The following SRPX variants were observed in gnomAD, a reference collection of about 807,000 sequenced individuals.
SRPX encodes sushi repeat containing protein X-linked, also known as sushi repeat-containing protein SRPX.
In SRPX, 24 loss-of-function variants were observed where a neutral mutation model predicts 38.1. The observed-to-expected ratio is 0.63, with a 90% CI of 0.46 to 0.89. The LOEUF (loss-of-function observed/expected upper bound fraction) is 0.89, where lower values mean the gene tolerates loss of function less well. Among genes scored for constraint, SRPX ranks in the 40% least tolerant of loss-of-function variants. SRPX has a pLI of 0.00. For missense variants in SRPX, 416 were observed against 377.8 expected, an observed-to-expected ratio of 1.10 and a Z score of -0.84; for synonymous variants, 184 against 153.8, an observed-to-expected ratio of 1.20 and a Z score of -1.45.
At chrX:38,155,168 T>C (rs1602436384) in intron 8 of SRPX, among the ~76,000 whole-genome samples, 1 of 111,214 alleles carries the variant, frequency 9.0e-6, no homozygotes, top group Admixed American at 9.5e-5. Flanking sequence ...TGAATTTGGC[T>C]AAATGGGAAA....
intron 1 of SRPX, among the ~76,000 whole-genome samples, chrX:38,183,538 G>A (rs1361388795): frequency 1.8e-5 from 2 of 111,878 alleles, no homozygotes; most frequent in African/African-American, 6.5e-5. Flanking sequence ...ATGTTCAGTA[G>A]ACTGTACTTA....
intron 9 of SRPX, among the ~76,000 whole-genome samples, chrX:38,153,564 A>G (rs1938063617): frequency 9.0e-6 from 1 of 111,249 alleles, no homozygotes; most frequent in Non-Finnish European, 1.9e-5. Flanking sequence ...CTTTCTGGCA[A>G]TACAGAAAGA....
At chrX:38,193,102 T>C (rs1214536072) in intron 1 of SRPX, among the ~76,000 whole-genome samples, 1 of 112,035 alleles carries the variant, frequency 8.9e-6, no homozygotes, top group Non-Finnish European at 1.9e-5. Flanking sequence ...CTTACAGTCC[T>C]AGCTTGTAAG....
chrX:38,192,444 A>G (rs1235521303), intron 1 of SRPX, among the ~76,000 whole-genome samples: 1 of 111,469 alleles, frequency 9.0e-6, no homozygotes, highest in East Asian at 2.8e-4. Context: ...CACAGCATTC[A>G]GGTTCATTCT....
chrX:38,152,348 G>A (rs1479982788), intron 9 of SRPX, among the ~76,000 whole-genome samples: 1 of 112,386 alleles, frequency 8.9e-6, no homozygotes, highest in Admixed American at 9.4e-5. Context: ...CTGCAAAATA[G>A]TGATTGACCC....
At chrX:38,187,542 C>A (rs1473207063) in intron 1 of SRPX, among the ~76,000 whole-genome samples, 1 of 112,335 alleles carries the variant, frequency 8.9e-6, no homozygotes. Flanking sequence ...ATAGTTTACA[C>A]TTTGAGGTAG....
chrX:38,189,629 C>T (rs1247367346), intron 1 of SRPX, among the ~76,000 whole-genome samples: 1 of 111,857 alleles, frequency 8.9e-6, no homozygotes. Flanking sequence ...AAAGCCCTTT[C>T]CCTCCTCTCA....
chrX:38,171,978 A>G lies in SRPX; in HGVS notation c.429T>C (p.Cys143=). ...CVDGAYFNSR[C]EYYCSPGYTL... ...TGTATCCTGGTGAACAATAATACTC[A>G]CACCGGGAGTTAAAGTAGGCACCAT... is the stretch of plus-strand genomic sequence containing the variant. The change falls in exon 4 of 10, where the codon TGT becomes TGC. Residue 143 remains cysteine (C), a synonymous_variant. Coordinates refer to ENST00000378533, the MANE Select transcript of SRPX (RefSeq NM_006307.5). 1 of 1,207,577 alleles carries G rather than the reference A, an allele frequency of 8.3e-7. No individual in the cohort carries two copies. Among genetic ancestry groups the G allele is most frequent in the Non-Finnish European group, 1.1e-6 (1 of 893,488 alleles).
intron 8 of SRPX, among the ~76,000 whole-genome samples, chrX:38,154,899 C>G (rs756509105): frequency 9.0e-6 from 1 of 111,070 alleles, no homozygotes; most frequent in Non-Finnish European, 1.9e-5. Flanking sequence ...CAAGACCACC[C>G]CAGAGGATTC....
chrX:38,220,580 C>A, intron 1 of SRPX, 116 bp downstream of exon 1: 1 of 1,053,296 alleles, frequency 9.5e-7, no homozygotes, highest in Admixed American at 3.8e-5. Flanking sequence ...AAGAGGAGTT[C>A]TGCGCAAACA....
chrX:38,197,940 T>G (rs767150678), intron 1 of SRPX, among the ~76,000 whole-genome samples: 10 of 112,127 alleles, frequency 8.9e-5, no homozygotes, highest in Non-Finnish European at 1.3e-4. Flanking sequence ...CAAAGCTTAC[T>G]GAAGCTGGAA....
At chrX:38,197,126 A>C (rs773886471) in intron 1 of SRPX, among the ~76,000 whole-genome samples, 1 of 112,377 alleles carries the variant, frequency 8.9e-6, no homozygotes, top group East Asian at 2.8e-4. Flanking sequence ...CAGATGATGA[A>C]ACCATAGGCC....
At chrX:38,216,746 C>T (rs901316401) in intron 1 of SRPX, among the ~76,000 whole-genome samples, 3 of 112,500 alleles carry the variant, frequency 2.7e-5, no homozygotes, top group Non-Finnish European at 5.6e-5. Context: ...CTTTCAATTA[C>T]TAATTTCAGT....
chrX:38,214,485 C>T (rs981702302), intron 1 of SRPX, among the ~76,000 whole-genome samples: 3 of 111,533 alleles, frequency 2.7e-5, no homozygotes, highest in Non-Finnish European at 5.7e-5. Context: ...CCCTGCTAGA[C>T]CATGAGAATA....
chrX:38,205,523 A>G (rs969602375), intron 1 of SRPX, among the ~76,000 whole-genome samples: 11 of 111,844 alleles, frequency 9.8e-5, no homozygotes, highest in African/African-American at 3.3e-4. Flanking sequence ...TTTATAGACC[A>G]TGCTTTTGGT....
In SRPX at chrX:38,151,020, A is replaced by T. The variant is rs138937752; in HGVS notation, c.1212-1126T>A. On this transcript the variant is annotated intron_variant, in intron 9 of 9. Transcript: ENST00000378533. ...ACACTGCCATCTGGATTTAAAGTAAAATATGTTTTCCTCATACAAACAGAT... is the reference window on the plus strand; with the variant it reads ...ACACTGCCATCTGGATTTAAAGTAATATATGTTTTCCTCATACAAACAGAT... Among the ~76,000 whole-genome samples, 822 of 112,128 alleles carry T rather than the reference A, an allele frequency of 7.3e-3. 12 individuals carry two copies. The highest frequency in any genetic ancestry group is 0.025 in the African/African-American group (786 of 30,871).
At chrX:38,202,976 T>A in intron 1 of SRPX, among the ~76,000 whole-genome samples, 1 of 111,780 alleles carries the variant, frequency 8.9e-6, no homozygotes, top group Non-Finnish European at 1.9e-5. Context: ...CACATCAAAA[T>A]AAAACTACAG....
intron 2 of SRPX, among the ~76,000 whole-genome samples, chrX:38,177,172 G>T (rs1938580829): frequency 2.7e-5 from 3 of 111,874 alleles, no homozygotes; most frequent in Non-Finnish European, 5.6e-5. Context: ...TAGTTAAGAA[G>T]TTTTGCGAAT....
chrX:38,199,248 T>C (rs1939061111), intron 1 of SRPX, among the ~76,000 whole-genome samples: 1 of 110,528 alleles, frequency 9.0e-6, no homozygotes, highest in Non-Finnish European at 1.9e-5. Flanking sequence ...CTACTAAAAA[T>C]ACAAAAAATT....
Sources: allele counts gnomAD v4.1 joint callset (sites outside exome capture counted in the v4.1 genomes callset), GRCh38; gene constraint gnomAD v4.1.1; transcripts MANE v1.5; gene names NCBI Gene and HGNC (gene_info 2026-07-23, HGNC 2026-07-21).